The following VPS54 variants were observed in gnomAD, a reference collection of about 807,000 sequenced individuals.
VPS54 encodes vacuolar protein sorting-associated protein 54.
A neutral mutation model predicts 121.5 loss-of-function variants in VPS54; 45 were observed. That is an observed-to-expected ratio of 0.37 (90% CI 0.29 to 0.47). The LOEUF is 0.47. Among genes scored for constraint, VPS54 ranks in the 20% least tolerant of loss-of-function variants. The pLI is 0.99. For missense variants in VPS54, 1,090 were observed against 1,131.4 expected, an observed-to-expected ratio of 0.96 and a Z score of 0.52; for synonymous variants, 371 against 385.8, an observed-to-expected ratio of 0.96 and a Z score of 0.45.
At chr2:63,977,870 G>A (rs922972209) in intron 3 of VPS54, among the ~76,000 whole-genome samples, 13 of 152,220 alleles carry the variant, frequency 8.5e-5, no homozygotes, top group Admixed American at 5.9e-4. Context: ...TTTATTTACT[G>A]ATTGCTATAG....
At chr2:63,945,660 T>C (rs1392375764) in intron 9 of VPS54, among the ~76,000 whole-genome samples, 1 of 152,170 alleles carries the variant, frequency 6.6e-6, no homozygotes, top group African/African-American at 2.4e-5. Context: ...TAAATAATTA[T>C]TTCAGAGTAT....
chr2:63,972,632 T>C (rs1468038378), intron 3 of VPS54, among the ~76,000 whole-genome samples: 2 of 152,114 alleles, frequency 1.3e-5, no homozygotes, highest in Non-Finnish European at 2.9e-5. Flanking sequence ...ACACCTGTAA[T>C]CTCAGCACTT....
chr2:63,975,054 TTTC>T, intron 3 of VPS54: 1 of 1,547,792 alleles, frequency 6.5e-7, no homozygotes, highest in South Asian at 1.2e-5. Context: ...AGATTTTTTT[TTTC>T]TTTTTTGAGA....
At chr2:63,948,418 T>TC (rs58732522) in intron 8 of VPS54, among the ~76,000 whole-genome samples, 1 of 143,504 alleles carries the variant, frequency 7.0e-6, no homozygotes, top group African/African-American at 2.7e-5. Flanking sequence ...TTTTCGGTTT[T>TC]TTTTTTTTTT....
intron 11 of VPS54, among the ~76,000 whole-genome samples, chr2:63,940,361 C>T (rs933783401): frequency 6.6e-6 from 1 of 152,096 alleles, no homozygotes; most frequent in Non-Finnish European, 1.5e-5. Context: ...TACATAAGTA[C>T]TAGTTTAAGT....
In VPS54 at chr2:63,911,792, T is replaced by G. The variant is rs150863519; in HGVS notation, c.2625+553A>C. 2.4e-3 allele frequency among the ~76,000 whole-genome samples: 362 copies of G among 152,344 alleles called. 1 individual carries two copies. The highest frequency in any genetic ancestry group is 8.0e-3 in the African/African-American group (333 of 41,570). The stretch of plus-strand genomic sequence containing the variant: ...ACTTTCAGACTTTCAAGTTACGAAA[T>G]TTTGGCTTTCCCACTAAGACGTGAA... On this transcript the variant is annotated intron_variant, in intron 20 of 22. Coordinates refer to ENST00000272322, the MANE Select transcript of VPS54 (RefSeq NM_016516.3).
At chr2:64,017,628 T>G (rs1232530562) in intron 1 of VPS54, among the ~76,000 whole-genome samples, 1 of 152,192 alleles carries the variant, frequency 6.6e-6, no homozygotes, top group Admixed American at 6.5e-5. Flanking sequence ...AACAAAACAG[T>G]CTTTACGATT....
intron 11 of VPS54, among the ~76,000 whole-genome samples, chr2:63,938,416 A>T (rs556739485): frequency 6.6e-6 from 1 of 152,124 alleles, no homozygotes; most frequent in Non-Finnish European, 1.5e-5. Context: ...CACCTGAAAG[A>T]CTAAGGCAGG....
At chr2:63,986,729 A>G (rs562937621) in intron 1 of VPS54, among the ~76,000 whole-genome samples, 12 of 152,162 alleles carry the variant, frequency 7.9e-5, no homozygotes, top group Non-Finnish European at 1.8e-4. Context: ...AGGGTTCCCT[A>G]TTCTCCACAT....
chr2:63,988,891 G>C (rs1195358793), intron 1 of VPS54, among the ~76,000 whole-genome samples: 1 of 152,204 alleles, frequency 6.6e-6, no homozygotes, highest in East Asian at 1.9e-4. Context: ...AGGCAGGACA[G>C]AGCCATATTT....
At chr2:63,904,433 G>T in intron 20 of VPS54, among the ~76,000 whole-genome samples, 1 of 77,564 alleles carries the variant, frequency 1.3e-5, no homozygotes, top group Non-Finnish European at 2.4e-5. Flanking sequence ...AGCAAGACTT[G>T]GTCTCAAAAA....
At chr2:63,998,703 T>C (rs1397499129) in intron 1 of VPS54, among the ~76,000 whole-genome samples, 1 of 152,202 alleles carries the variant, frequency 6.6e-6, no homozygotes, top group Non-Finnish European at 1.5e-5. Flanking sequence ...ACTTTAACTA[T>C]GTCCCCCCAC....
intron 11 of VPS54, 21 bp from the exon 12 acceptor site, chr2:63,934,034 C>G: frequency 6.3e-7 from 1 of 1,586,908 alleles, no homozygotes; most frequent in South Asian, 1.1e-5. Flanking sequence ...ATAGGACACA[C>G]TTTTAAGGGA....
chr2:63,947,246 C>T, intron 9 of VPS54, 137 bp downstream of exon 9: 9 of 823,620 alleles, frequency 1.1e-5, no homozygotes, highest in Non-Finnish European at 1.5e-5. Context: ...GTTTTACTTT[C>T]ATTTTTCTAA....
intron 3 of VPS54, among the ~76,000 whole-genome samples, chr2:63,977,194 CTTTTGT>C (rs1206123978): frequency 1.3e-5 from 2 of 152,146 alleles, no homozygotes; most frequent in African/African-American, 2.4e-5. Flanking sequence ...CCAGCTTTTG[CTTTTGT>C]TGATTTTCTC....
In VPS54 at chr2:63,892,230, AG is replaced by A. The variant is rs1232710556; in HGVS notation, c.*1199del. The stretch of plus-strand genomic sequence containing the variant: ...CTGTAATGATAAAGGAAAGAAAACA[AG>A]CTTTCCTTTTAAGAAACCAAAGAGC... On this transcript the variant is annotated 3_prime_UTR_variant, in exon 23 of 23. Coordinates refer to ENST00000272322, the MANE Select transcript of VPS54 (RefSeq NM_016516.3). 6.6e-6 allele frequency: 1 copy of A among 152,224 alleles called. No individual in the cohort carries two copies. Among genetic ancestry groups the A allele is most frequent in the Non-Finnish European group, 1.5e-5 (1 of 68,030 alleles). 9.4% of individuals were successfully genotyped at this position (152,224 alleles called of 1,614,324 possible).
intron 7 of VPS54, among the ~76,000 whole-genome samples, chr2:63,955,511 C>G (rs1159288775): frequency 1.3e-5 from 2 of 151,954 alleles, no homozygotes; most frequent in African/African-American, 4.8e-5. Flanking sequence ...CATTTCGGCA[C>G]AACTTAAATG....
chr2:63,916,877 C>T (rs1673402520), intron 16 of VPS54, 23 bp downstream of exon 16: 4 of 1,609,292 alleles, frequency 2.5e-6, no homozygotes, highest in Non-Finnish European at 3.4e-6. Flanking sequence ...GACTCAACTA[C>T]TAAAGAAAAA....
Position 63,935,353 on chromosome 2 carries a change from T to C in VPS54, c.1399-1340A>G, listed in dbSNP as rs189548463. Among the ~76,000 whole-genome samples, 816 of 152,292 alleles carry C rather than the reference T, an allele frequency of 5.4e-3. 4 individuals are homozygous for C. Among genetic ancestry groups the C allele is most frequent in the Non-Finnish European group, 7.3e-3 (496 of 68,020 alleles). On this transcript the variant is annotated intron_variant, in intron 11 of 22. Transcript: ENST00000272322. ...AGAGCTTTAGGACCAAAGTGTCTAC[T>C]ATGGATACTGCATTTTTTTTCTTTC... is the stretch of plus-strand genomic sequence containing the variant.
Sources: gnomAD v4.1 joint callset for allele counts (sites outside exome capture counted in the v4.1 genomes callset) on GRCh38, gnomAD v4.1.1 for gene constraint, MANE v1.5 for transcripts, NCBI Gene and HGNC (gene_info 2026-07-23, HGNC 2026-07-21) for gene names.